USP7: variants seen among roughly 807,000 people sequenced by gnomAD.
USP7 encodes ubiquitin specific peptidase 7.
USP7 carries 9 observed loss-of-function variants against 162.9 expected under a neutral mutation model. The observed-to-expected ratio is 0.06, with a 90% confidence interval of 0.03 to 0.10. The LOEUF is 0.10. Among genes scored for constraint, USP7 ranks in the 10% least tolerant of loss-of-function variants. The pLI is 1.00. For synonymous variants in USP7, 562 were observed against 475.9 expected (o/e 1.18, Z -2.35); for missense variants, 715 against 1,373.7 (o/e 0.52, Z 7.58).
At chr16:8,917,930 CAGG>C (rs1263067003) in intron 6 of USP7, among the ~76,000 whole-genome samples, 1 of 152,108 alleles carries the variant, frequency 6.6e-6, no homozygotes, top group Non-Finnish European at 1.5e-5. Flanking sequence ...GCTGGGACTA[CAGG>C]TGCACGCCGC....
chr16:8,915,411 T>TA (rs1277528166), intron 9 of USP7, 34 bp downstream of exon 9: 1 of 1,612,528 alleles, frequency 6.2e-7, no homozygotes, highest in South Asian at 1.1e-5. Flanking sequence ...CTAAAACCTT[T>TA]AAAAATCATC....
At chr16:8,961,310 T>C (rs981890284) in intron 1 of USP7, among the ~76,000 whole-genome samples, 1 of 151,814 alleles carries the variant, frequency 6.6e-6, no homozygotes, top group African/African-American at 2.4e-5. Context: ...CTGACCAACA[T>C]GGAGAAACCC....
At chr16:8,897,609 T>C (rs995783972) in intron 25 of USP7, among the ~76,000 whole-genome samples, 2 of 145,160 alleles carry the variant, frequency 1.4e-5, no homozygotes, top group Non-Finnish European at 3.0e-5. Context: ...ATGCCTGTAA[T>C]GCCAACACTC....
At chr16:8,936,606 C>T in intron 1 of USP7, 1 of 1,557,184 alleles carries the variant, frequency 6.4e-7, no homozygotes, top group Non-Finnish European at 8.6e-7. Flanking sequence ...CCTGTGGTTC[C>T]CAGCCATCTC....
At chr16:8,922,124 G>A (rs1042551569) in intron 3 of USP7, among the ~76,000 whole-genome samples, 1 of 152,202 alleles carries the variant, frequency 6.6e-6, no homozygotes, top group Non-Finnish European at 1.5e-5. Flanking sequence ...ATCATAATGT[G>A]AACAGAAGAG....
At chr16:8,898,972 A>G in intron 23 of USP7, 149 bp downstream of exon 23, 1 of 831,896 alleles carries the variant, frequency 1.2e-6, no homozygotes, top group Non-Finnish European at 1.9e-6. Context: ...TGTGGTCAAG[A>G]TGTGAGTGGT....
intron 14 of USP7, among the ~76,000 whole-genome samples, chr16:8,904,875 G>A (rs1596359714): frequency 6.6e-6 from 1 of 152,216 alleles, no homozygotes; most frequent in Non-Finnish European, 1.5e-5. Flanking sequence ...GGGAGGCTGA[G>A]GCAGGAGAGT....
At chr16:8,923,934 T>G (rs1897848347) in intron 2 of USP7, among the ~76,000 whole-genome samples, 1 of 152,170 alleles carries the variant, frequency 6.6e-6, no homozygotes, top group African/African-American at 2.4e-5. Flanking sequence ...AACAGTAGCC[T>G]GATAATAAAT....
In USP7 at chr16:8,902,113, A is replaced by G. The variant is rs970511773; in HGVS notation, c.2016T>C (p.Ser672=). 1.2e-6 allele frequency: 2 copies of G among 1,614,146 alleles called. No individual in the cohort carries two copies. Reference sequence around the variant, plus strand: ...TATCAAACTTGGGTAAGGTCGCTCCACTAGCAGCCAGCTCGGGATCAACTG... The same window carrying G: ...TATCAAACTTGGGTAAGGTCGCTCCGCTAGCAGCCAGCTCGGGATCAACTG... ...LETVDPELAA[S]GATLPKFDKD... The change falls in exon 18 of 31, where the codon AGT becomes AGC. Residue 672 remains serine, a synonymous_variant. Coordinates refer to ENST00000344836, the MANE Select transcript of USP7 (RefSeq NM_003470.3).
chr16:8,941,658 A>G (rs1232958106), intron 1 of USP7, among the ~76,000 whole-genome samples: 2 of 152,338 alleles, frequency 1.3e-5, no homozygotes, highest in East Asian at 3.9e-4. Flanking sequence ...TGGTACCAGG[A>G]AAGACAAAGA....
intron 1 of USP7, among the ~76,000 whole-genome samples, chr16:8,955,641 G>C (rs1013705722): frequency 7.3e-6 from 1 of 136,826 alleles, no homozygotes. Context: ...GGGAGGAGGA[G>C]GTTGCAGTGA....
intron 8 of USP7, among the ~76,000 whole-genome samples, chr16:8,915,957 A>G (rs1019191217): frequency 1.3e-5 from 2 of 152,210 alleles, no homozygotes; most frequent in African/African-American, 4.8e-5. Context: ...CAAAAAAGAA[A>G]ACACACCTTG....
chr16:8,952,824 T>C (rs1391054777), intron 1 of USP7, among the ~76,000 whole-genome samples: 1 of 151,414 alleles, frequency 6.6e-6, no homozygotes, highest in Non-Finnish European at 1.5e-5. Flanking sequence ...CCCTCCCGCC[T>C]GTGACCACAC....
In USP7 at chr16:8,904,557, A is replaced by G; in HGVS notation, c.1582T>C (p.Leu528=). The change falls in exon 15 of 31, where the codon TTA becomes CTA. Residue 528 remains leucine, a synonymous_variant. Coordinates refer to ENST00000344836, the MANE Select transcript of USP7 (RefSeq NM_003470.3). The part of the protein sequence containing the change: ...YIRESKLSEV[L]QAVTDHDIPQ... ...ATATCATGGTCGGTGACCGCCTGTA[A>G]AACTTCACCTGCAGGACAAAGGCAT... 6.2e-7 allele frequency: 1 copy of G among 1,614,008 alleles called. No homozygotes were observed. The highest frequency in any genetic ancestry group is 1.1e-5 in the South Asian group (1 of 91,090).
At chr16:8,940,409 T>C (rs938220885) in intron 1 of USP7, among the ~76,000 whole-genome samples, 2 of 152,188 alleles carry the variant, frequency 1.3e-5, no homozygotes, top group African/African-American at 2.4e-5. Flanking sequence ...CTTCGGCTTC[T>C]TGAACACAAC....
intron 1 of USP7, among the ~76,000 whole-genome samples, chr16:8,943,673 G>A (rs151261257): frequency 1.1e-3 from 167 of 152,294 alleles, no homozygotes; most frequent in African/African-American, 3.7e-3. Context: ...GGGTAGAGTC[G>A]AATGGCTGGC....
intron 20 of USP7, 62 bp downstream of exon 20, chr16:8,900,927 CA>C (rs1159122942): frequency 5.8e-6 from 9 of 1,550,656 alleles, no homozygotes; most frequent in Non-Finnish European, 7.9e-6. Flanking sequence ...GTAAAAAGAA[CA>C]AACAAAACCC....
At chr16:8,947,041 T>C (rs994414183) in intron 1 of USP7, among the ~76,000 whole-genome samples, 7 of 152,222 alleles carry the variant, frequency 4.6e-5, no homozygotes, top group Admixed American at 1.3e-4. Context: ...TTGCTGTAGT[T>C]ATCAGAGAAT....
chr16:8,948,904 C>A (rs1899420356), intron 1 of USP7, among the ~76,000 whole-genome samples: 1 of 151,932 alleles, frequency 6.6e-6, no homozygotes, highest in Non-Finnish European at 1.5e-5. Context: ...CTTAAGGCTG[C>A]AATGAGCTAT....
Sources: gnomAD v4.1 joint callset for allele counts (sites outside exome capture counted in the v4.1 genomes callset) on GRCh38, gnomAD v4.1.1 for gene constraint, MANE v1.5 for transcripts, NCBI Gene and HGNC (gene_info 2026-07-23, HGNC 2026-07-21) for gene names.